The following MAP7 variants were observed in gnomAD, a reference collection of about 807,000 sequenced individuals.
MAP7 encodes ensconsin.
MAP7 carries 52 observed loss-of-function variants against 94.8 expected under a neutral mutation model. The ratio of observed to expected loss-of-function variants is 0.55; its 90% CI spans 0.44 to 0.69. The LOEUF is 0.69. Ranked by LOEUF, MAP7 falls within the 30% of genes least tolerant of loss-of-function variation. The pLI is 0.00. For missense variants in MAP7, 940 were observed against 964.6 expected (o/e 0.97, Z 0.34); for synonymous variants, 350 against 357.0 (o/e 0.98, Z 0.22).
At chr6:136,526,286 C>G in intron 1 of MAP7, 7 of 1,048,492 alleles carry the variant, frequency 6.7e-6, no homozygotes, top group Non-Finnish European at 6.9e-6. Context: ...CGCACACACA[C>G]ACACACACAC....
intron 1 of MAP7, among the ~76,000 whole-genome samples, chr6:136,544,859 C>T (rs955085907): frequency 6.6e-6 from 1 of 152,100 alleles, no homozygotes; most frequent in Non-Finnish European, 1.5e-5. Context: ...ACTCGAACAG[C>T]TAAGCCGGGA....
chr6:136,460,704 A>G (rs1750224565), intron 1 of MAP7, among the ~76,000 whole-genome samples: 3 of 152,130 alleles, frequency 2.0e-5, no homozygotes, highest in Admixed American at 6.6e-5. Context: ...CTCACTTGCC[A>G]TCCTGGGACT....
In MAP7 at chr6:136,360,739, C is replaced by A. The variant is rs1220262760; in HGVS notation, c.1761G>T (p.Lys587Asn). Residue 587 changes from lysine to asparagine, a missense_variant, in exon 13 of 18, where the codon AAG becomes AAT. Physicochemically the swap from Lys to Asn is moderately conservative, Grantham distance 94 (BLOSUM62 0). Transcript: ENST00000354570. ...GCTCTTGCTCTTCTCTCTGGAAATG[C>A]TTCTCTCGTTCCTGCCGGACCCTCT... ...EAERVRQERE[K>N]HFQREEQERL... is the part of the protein sequence containing the mutation. 1 of 1,614,066 alleles carries A rather than the reference C, an allele frequency of 6.2e-7. No homozygotes were observed.
chr6:136,409,955 A>T (rs781171328), intron 3 of MAP7, among the ~76,000 whole-genome samples: 4 of 152,210 alleles, frequency 2.6e-5, no homozygotes, highest in Non-Finnish European at 5.9e-5. Flanking sequence ...CACTCAATAT[A>T]CAAAGGTAAG....
intron 3 of MAP7, among the ~76,000 whole-genome samples, chr6:136,393,601 C>T (rs1781411582): frequency 6.6e-6 from 1 of 152,176 alleles, no homozygotes; most frequent in African/African-American, 2.4e-5. Context: ...TGACATCAAC[C>T]ACAAACTTTA....
chr6:136,395,085 AGTAGTGGGATT>A (rs2128686944), intron 3 of MAP7, among the ~76,000 whole-genome samples: 1 of 150,964 alleles, frequency 6.6e-6, no homozygotes, highest in South Asian at 2.1e-4. Flanking sequence ...CTATATATCC[AGTAGTGGGATT>A]GCTGGGTCAT....
At chr6:136,393,343 T>C (rs940863169) in intron 3 of MAP7, among the ~76,000 whole-genome samples, 1 of 152,248 alleles carries the variant, frequency 6.6e-6, no homozygotes, top group Middle Eastern at 3.4e-3. Context: ...CTCATAATTG[T>C]AATATGTCAG....
At chr6:136,428,501 C>T (rs1277550189) in intron 1 of MAP7, among the ~76,000 whole-genome samples, 1 of 151,918 alleles carries the variant, frequency 6.6e-6, no homozygotes, top group African/African-American at 2.4e-5. Context: ...CCCTGGGTGA[C>T]AGAGCAAGAC....
chr6:136,524,462 G>T lies in MAP7; in HGVS notation c.67+25880C>A, dbSNP rs562657123. On this transcript the variant is annotated intron_variant, in intron 1 of 17. Transcript: ENST00000354570. ...ATTTAAAGTCCTGAGTTTTCATCCA[G>T]AGCAACACACTCTGGTTCAATGATG... Among the ~76,000 whole-genome samples the T allele has an allele frequency of 3.3e-5, 5 of 152,220 alleles. No individual in the cohort carries two copies. The East Asian group carries it at 5.8e-4, about 18-fold the overall frequency.
At chr6:136,376,312 A>G (rs1776134102) in intron 7 of MAP7, among the ~76,000 whole-genome samples, 1 of 149,820 alleles carries the variant, frequency 6.7e-6, no homozygotes, top group Admixed American at 6.6e-5. Context: ...GTTAGCCAGG[A>G]TGGTCTCGAT....
rs79863547 is a variant in MAP7, at chr6:136,479,835, C to A, written c.68-58036G>T. ...AAGTAAAACTGTAAAACACTGATGC[C>A]AGAAATCGAAGGGGACACACAAAAA... On this transcript the variant is annotated intron_variant, in intron 1 of 17. Coordinates refer to ENST00000354570, the MANE Select transcript of MAP7 (RefSeq NM_003980.6). 0.013 allele frequency among the ~76,000 whole-genome samples: 2,043 copies of A among 151,998 alleles called. 84 individuals carry two copies. The East Asian group carries it at 0.14, about 10-fold the overall frequency.
chr6:136,372,974 T>A (rs968260178), intron 7 of MAP7, among the ~76,000 whole-genome samples: 2 of 152,140 alleles, frequency 1.3e-5, no homozygotes, highest in African/African-American at 4.8e-5. Flanking sequence ...TAGCTGATGG[T>A]TCTGGAAAAA....
At chr6:136,355,052 A>G (rs546700651) in intron 16 of MAP7, among the ~76,000 whole-genome samples, 13 of 152,208 alleles carry the variant, frequency 8.5e-5, no homozygotes, top group Admixed American at 2.6e-4. Context: ...GATGAAACCC[A>G]TCTCTACTAA....
intron 9 of MAP7, 60 bp downstream of exon 9, chr6:136,366,267 G>T: frequency 7.6e-7 from 1 of 1,311,044 alleles, no homozygotes; most frequent in Non-Finnish European, 1.1e-6. Context: ...ACTTTCAGAG[G>T]AGAGAGCTAC....
At chr6:136,414,252 C>CAAAAAGAAAAAA (rs1788557525) in intron 2 of MAP7, among the ~76,000 whole-genome samples, 1 of 15,932 alleles carries the variant, frequency 6.3e-5, no homozygotes, top group Non-Finnish European at 1.6e-4. Context: ...GACTCCGTCT[C>CAAAAAGAAAAAA]AAAAAAAAAA....
intron 1 of MAP7, among the ~76,000 whole-genome samples, chr6:136,547,536 A>G (rs1829824114): frequency 1.3e-5 from 2 of 152,142 alleles, no homozygotes; most frequent in Admixed American, 6.5e-5. Context: ...AGGACTTGAC[A>G]TCCTCTAGTG....
At chr6:136,441,624 G>A (rs890074332) in intron 1 of MAP7, among the ~76,000 whole-genome samples, 4 of 152,124 alleles carry the variant, frequency 2.6e-5, no homozygotes, top group Non-Finnish European at 4.4e-5. Context: ...CTGAAGACCA[G>A]GGCATGAAAC....
At chr6:136,472,810 A>C (rs1199910529) in intron 1 of MAP7, among the ~76,000 whole-genome samples, 4 of 152,102 alleles carry the variant, frequency 2.6e-5, no homozygotes, top group Non-Finnish European at 5.9e-5. Flanking sequence ...ACTCATTCCT[A>C]TAACTTGTCA....
intron 3 of MAP7, among the ~76,000 whole-genome samples, chr6:136,393,978 A>AATTTTTTTTTTTTTTTTTTTTTTTT (rs1554242697): frequency 2.8e-5 from 1 of 36,204 alleles, no homozygotes; most frequent in African/African-American, 7.4e-5. Flanking sequence ...CAGCAAAGGT[A>AATTTTTTTTTTTTTTTTTTTTTTTT]TTTTTTTTTT....
Sources: gnomAD v4.1 joint callset for allele counts (sites outside exome capture counted in the v4.1 genomes callset) on GRCh38, gnomAD v4.1.1 for gene constraint, MANE v1.5 for transcripts, NCBI Gene and HGNC (gene_info 2026-07-23, HGNC 2026-07-21) for gene names.